GLCCI1: variants seen among roughly 807,000 people sequenced by gnomAD.
The protein encoded by GLCCI1 is glucocorticoid-induced transcript 1 protein.
A neutral mutation model predicts 52.2 loss-of-function variants in GLCCI1; 24 were observed. The observed-to-expected ratio is 0.46, with a 90% CI of 0.33 to 0.65. The LOEUF (loss-of-function observed/expected upper bound fraction) is 0.65. Among genes scored for constraint, GLCCI1 ranks in the 30% least tolerant of loss-of-function variants. The probability of loss-of-function intolerance (pLI) is 0.02; values close to 1 mark genes in which losing one functional copy is unlikely to be tolerated. For missense variants in GLCCI1, 704 were observed against 701.5 expected (o/e 1.00, Z -0.04); for synonymous variants, 310 against 276.5 (o/e 1.12, Z -1.20).
intron 1 of GLCCI1, among the ~76,000 whole-genome samples, chr7:7,986,684 G>C (rs1780740183): frequency 6.6e-6 from 1 of 152,178 alleles, no homozygotes; most frequent in African/African-American, 2.4e-5. Flanking sequence ...AGTTATGAAG[G>C]TAAGAGTATT....
chr7:8,070,783 CA>C, intron 5 of GLCCI1, 137 bp from the exon 6 acceptor site: 2 of 675,008 alleles, frequency 3.0e-6, no homozygotes, highest in Non-Finnish European at 5.0e-6. Context: ...GCTTAAGACA[CA>C]AGCTTGGTCT....
intron 3 of GLCCI1, among the ~76,000 whole-genome samples, chr7:8,023,878 C>T (rs549308959): frequency 1.3e-5 from 2 of 152,162 alleles, no homozygotes; most frequent in South Asian, 4.1e-4. Flanking sequence ...AGATTACAGG[C>T]ATGAACCACC....
intron 2 of GLCCI1, among the ~76,000 whole-genome samples, chr7:8,019,685 T>C (rs1006994657): frequency 1.1e-4 from 16 of 152,204 alleles, no homozygotes; most frequent in Admixed American, 9.2e-4. Context: ...CTATGTGGCA[T>C]AGCCCGTTGC....
In GLCCI1 at chr7:7,991,041, A is replaced by G. The variant is rs540381351; in HGVS notation, c.458-12867A>G. Among the ~76,000 whole-genome samples, 5 of 152,156 alleles carry G rather than the reference A, an allele frequency of 3.3e-5. No individual in the cohort carries two copies. The South Asian group carries it at 1.0e-3, about 32-fold the overall frequency. The stretch of plus-strand genomic sequence containing the variant: ...GGTATCCAGACATATTTCAGTACAG[A>G]TTTCTATTTATCATTTGCTTTGCAG... On this transcript the variant is annotated intron_variant, in intron 1 of 7. Transcript: ENST00000223145.
chr7:8,086,008 T>A lies in GLCCI1; in HGVS notation c.1299-185T>A, dbSNP rs1019338764. Among the ~76,000 whole-genome samples the A allele has an allele frequency of 1.3e-5, 2 of 152,212 alleles. No homozygotes were observed. Among genetic ancestry groups the A allele is most frequent in the Non-Finnish European group, 2.9e-5 (2 of 68,044 alleles). On this transcript the variant is annotated intron_variant, in intron 7 of 7. Transcript: ENST00000223145. The surrounding 1 kb of genome is among the most constrained non-coding windows in gnomAD (Gnocchi z 4.4). ...CCTTTTGTCTCAAATACCACTTCAG[T>A]GCTGTGTGCATGAATAGTCTGCCAG...
At chr7:8,011,523 A>G (rs1781261083) in intron 2 of GLCCI1, among the ~76,000 whole-genome samples, 2 of 152,054 alleles carry the variant, frequency 1.3e-5, no homozygotes, top group South Asian at 2.1e-4. Flanking sequence ...TACATACCAC[A>G]TTTTCTTTAT....
intron 1 of GLCCI1, among the ~76,000 whole-genome samples, chr7:7,991,828 TC>T (rs1780843409): frequency 6.6e-6 from 1 of 152,072 alleles, no homozygotes; most frequent in African/African-American, 2.4e-5. Context: ...GCTATAGACT[TC>T]CATAGGATGC....
At position 7,969,721 on chromosome 7, in the gene GLCCI1, C is replaced by A; in HGVS notation, c.371C>A (p.Ala124Asp). ...GCCCCGGCCGAGCAGGCGCCGCGGG[C>A]CAAGGGCCGCCCGAGACGGTCCCCA... ...AAAPAEQAPR[A>D]KGRPRRSPES... is the part of the protein sequence containing the mutation. Residue 124 changes from alanine to aspartate, a missense_variant, in exon 1 of 8, where the codon GCC becomes GAC. By Grantham distance (126) the Ala-to-Asp change is moderately radical. Around this residue, in one of 3 missense-constraint regions of GLCCI1, gnomAD observed 547 missense variants for 524.8 expected, o/e 1.04. Transcript: ENST00000223145. This position sits in a 1 kb window ranked among gnomAD's most constrained non-coding sequence, Gnocchi z 4.9. The A allele has an allele frequency of 7.1e-7, 1 of 1,402,212 alleles. No individual in the cohort carries two copies. Among genetic ancestry groups the A allele is most frequent in the South Asian group, 1.3e-5 (1 of 75,050 alleles). 86.9% of individuals were successfully genotyped at this position (1,402,212 alleles called of 1,614,324 possible). A position where few individuals can be genotyped will look rare whatever the true frequency, so the allele number is the denominator to read the frequency against.
At chr7:7,985,739 A>G (rs767960328) in intron 1 of GLCCI1, among the ~76,000 whole-genome samples, 37 of 152,194 alleles carry the variant, frequency 2.4e-4, no homozygotes, top group Non-Finnish European at 3.4e-4. Context: ...AGAAAAATCA[A>G]TCCGTTTAGA....
At chr7:8,073,621 A>G (rs951093912) in intron 6 of GLCCI1, among the ~76,000 whole-genome samples, 2 of 152,170 alleles carry the variant, frequency 1.3e-5, no homozygotes, top group African/African-American at 4.8e-5. Context: ...TACCTTCCTC[A>G]TATCATTGAG....
chr7:7,998,176 G>T (rs146404395), intron 1 of GLCCI1, among the ~76,000 whole-genome samples: 85 of 143,702 alleles, frequency 5.9e-4, no homozygotes, highest in South Asian at 1.8e-3. Context: ...AGTTTTTTTT[G>T]TTTTTTTTTT....
At chr7:7,972,543 A>C (rs1249196261) in intron 1 of GLCCI1, among the ~76,000 whole-genome samples, 1 of 152,212 alleles carries the variant, frequency 6.6e-6, no homozygotes, top group Non-Finnish European at 1.5e-5. Context: ...TATAGGAGAA[A>C]ATATGGAAGC....
intron 6 of GLCCI1, among the ~76,000 whole-genome samples, chr7:8,072,334 A>G (rs62433450): frequency 7.2e-5 from 11 of 152,264 alleles, no homozygotes; most frequent in African/African-American, 1.7e-4. Context: ...CTGCTTTTCT[A>G]TGTGGGTAGA....
At chr7:8,000,230 T>G (rs1781025689) in intron 1 of GLCCI1, among the ~76,000 whole-genome samples, 1 of 152,206 alleles carries the variant, frequency 6.6e-6, no homozygotes, top group Non-Finnish European at 1.5e-5. Flanking sequence ...CAAATTACTA[T>G]AAATCAGATA....
intron 3 of GLCCI1, among the ~76,000 whole-genome samples, chr7:8,045,328 C>T (rs1259612016): frequency 6.6e-6 from 1 of 151,978 alleles, no homozygotes; most frequent in Non-Finnish European, 1.5e-5. Context: ...GATACGGCAA[C>T]ATATTTGGGA....
chr7:8,053,168 T>C (rs570866376), intron 3 of GLCCI1, among the ~76,000 whole-genome samples: 2 of 152,126 alleles, frequency 1.3e-5, no homozygotes, highest in Non-Finnish European at 1.5e-5. Context: ...TTCTGTTTTT[T>C]CTTCATTTAA....
intron 2 of GLCCI1, among the ~76,000 whole-genome samples, chr7:8,010,334 A>C (rs1352823770): frequency 6.6e-6 from 1 of 152,188 alleles, no homozygotes; most frequent in Non-Finnish European, 1.5e-5. Flanking sequence ...TTTTGATTAG[A>C]TTTATATTCT....
intron 2 of GLCCI1, among the ~76,000 whole-genome samples, chr7:8,009,229 G>A (rs1377366026): frequency 2.0e-5 from 3 of 152,170 alleles, no homozygotes; most frequent in African/African-American, 4.8e-5. Context: ...AACAAAAAAT[G>A]TATTACCAAC....
Position 8,086,153 on chromosome 7 carries a change from T to G in GLCCI1, c.1299-40T>G. ...TTCAGAAAATGCTTAACTTTTTCTG[T>G]GTTCATGATTATAAATCTAATTTTG... On this transcript the variant is annotated intron_variant, in intron 7 of 7. Coordinates refer to ENST00000223145, the MANE Select transcript of GLCCI1 (RefSeq NM_138426.4). The surrounding 1 kb of genome is among the most constrained non-coding windows in gnomAD (Gnocchi z 4.4). The G allele has an allele frequency of 1.3e-6, 2 of 1,501,262 alleles. No homozygotes were observed. The highest frequency in any genetic ancestry group is 1.8e-6 in the Non-Finnish European group (2 of 1,110,822). The allele number at this position is 1,501,262 out of a possible 1,614,324, so 93.0% of individuals were successfully genotyped here.
Sources: allele counts gnomAD v4.1 joint callset (sites outside exome capture counted in the v4.1 genomes callset), GRCh38; gene constraint gnomAD v4.1.1; regional missense constraint gnomAD v4.1.1; non-coding constraint Gnocchi (gnomAD v3.1); transcripts MANE v1.5; gene names NCBI Gene and HGNC (gene_info 2026-07-23, HGNC 2026-07-21).